DOCK7: variants seen among roughly 807,000 people sequenced by gnomAD.
The protein encoded by DOCK7 is dedicator of cytokinesis 7, also known as dedicator of cytokinesis protein 7.
In DOCK7, 138 loss-of-function variants were observed where a neutral mutation model predicts 271.0. The observed-to-expected ratio is 0.51, with a 90% confidence interval of 0.44 to 0.59. DOCK7 has a LOEUF of 0.59. Among genes scored for constraint, DOCK7 ranks in the 20% least tolerant of loss-of-function variants. DOCK7 has a pLI of 0.00. For synonymous variants in DOCK7, 823 were observed against 876.1 expected, an observed-to-expected ratio of 0.94 and a Z score of 1.07; for missense variants, 2,066 against 2,592.4, an observed-to-expected ratio of 0.80 and a Z score of 4.41.
intron 31 of DOCK7, among the ~76,000 whole-genome samples, chr1:62,522,832 G>A (rs1644892306): frequency 6.6e-6 from 1 of 151,846 alleles, no homozygotes; most frequent in Non-Finnish European, 1.5e-5. Flanking sequence ...AAAAATCATT[G>A]TACAAAAATC....
chr1:62,584,537 T>C (rs1216842226), intron 15 of DOCK7: 2 of 1,131,954 alleles, frequency 1.8e-6, no homozygotes, highest in African/African-American at 3.3e-5. Flanking sequence ...ATACCTTTTT[T>C]CCCTCTGAGA....
intron 48 of DOCK7, among the ~76,000 whole-genome samples, chr1:62,464,880 A>T (rs1645630896): frequency 6.6e-6 from 1 of 152,222 alleles, no homozygotes; most frequent in Admixed American, 6.5e-5. Context: ...ATTTGCGAAA[A>T]GACTTGAAAA....
chr1:62,503,718 C>T (rs892484527), intron 37 of DOCK7, among the ~76,000 whole-genome samples: 12 of 151,940 alleles, frequency 7.9e-5, no homozygotes, highest in Admixed American at 1.3e-4. Context: ...TGGGATTACA[C>T]GTGTGAGCCA....
intron 1 of DOCK7, among the ~76,000 whole-genome samples, chr1:62,666,081 G>A (rs1395813598): frequency 1.3e-5 from 2 of 151,954 alleles, no homozygotes; most frequent in Admixed American, 1.3e-4. Context: ...GGAGAATGGT[G>A]AGAACCCAGG....
intron 18 of DOCK7, among the ~76,000 whole-genome samples, chr1:62,568,174 C>A (rs1571575906): frequency 6.6e-6 from 1 of 152,104 alleles, no homozygotes. Context: ...GAAATTAGGG[C>A]AGAAATCAAG....
chr1:62,592,445 A>G (rs1259555119), intron 14 of DOCK7, among the ~76,000 whole-genome samples: 1 of 152,226 alleles, frequency 6.6e-6, no homozygotes, highest in Non-Finnish European at 1.5e-5. Context: ...AAGCCAGAAC[A>G]TTTATAAGAT....
At chr1:62,625,229 C>A in intron 12 of DOCK7, 30 bp downstream of exon 12, 1 of 1,607,816 alleles carries the variant, frequency 6.2e-7, no homozygotes, top group Non-Finnish European at 8.5e-7. Context: ...ACAAACATCT[C>A]CCCAAAATTC....
At chr1:62,683,326 T>C (rs1445284209) in intron 1 of DOCK7, among the ~76,000 whole-genome samples, 2 of 152,342 alleles carry the variant, frequency 1.3e-5, no homozygotes, top group East Asian at 3.9e-4. Context: ...TATGGAACTA[T>C]GAATTGAACA....
chr1:62,462,614 A>G (rs1645562726), intron 48 of DOCK7, among the ~76,000 whole-genome samples: 1 of 152,234 alleles, frequency 6.6e-6, no homozygotes, highest in Non-Finnish European at 1.5e-5. Context: ...AATAAGTGGT[A>G]ATGAGTCAAC....
intron 14 of DOCK7, among the ~76,000 whole-genome samples, chr1:62,589,176 T>TGA (rs1648051027): frequency 6.6e-6 from 1 of 152,222 alleles, no homozygotes. Flanking sequence ...AACCATCATA[T>TGA]GAGAGGCAGG....
chr1:62,457,101 T>C (rs1465906349), intron 49 of DOCK7, among the ~76,000 whole-genome samples: 1 of 152,140 alleles, frequency 6.6e-6, no homozygotes, highest in Non-Finnish European at 1.5e-5. Flanking sequence ...AGGAGAAATC[T>C]AAAAAAATTA....
rs559908969 is a variant in DOCK7 at position 62,544,929 on chromosome 1, C to CT, written c.2859+17dup. ...AAACATCAGCAGCCAATAAAGAAAC[C>CT]TCTAATATAAACACCACCTGTGTTG... On this transcript the variant is annotated intron_variant, in intron 23 of 49. Coordinates refer to ENST00000635253, the MANE Select transcript of DOCK7 (RefSeq NM_001367561.1). 783 of 1,539,216 alleles carry CT rather than the reference C, an allele frequency of 5.1e-4. 7 individuals carry two copies. The Middle Eastern group carries it at 0.011, about 21-fold the overall frequency.
Position 62,529,466 on chromosome 1 carries a change from C to A in DOCK7, c.3612-20G>T. 6.3e-7 allele frequency: 1 copy of A among 1,577,368 alleles called. No homozygotes were observed. Among genetic ancestry groups the A allele is most frequent in the Non-Finnish European group, 8.6e-7 (1 of 1,162,440 alleles). On this transcript the variant is annotated intron_variant, in intron 29 of 49. Transcript: ENST00000635253. ...AACAGTCTATTTAAAAAGAAGAAGACAAAGAAGAAAAAGCAGTAAGGCCAC... is the reference window on the plus strand; with the variant it reads ...AACAGTCTATTTAAAAAGAAGAAGAAAAAGAAGAAAAAGCAGTAAGGCCAC...
At chr1:62,680,578 C>A (rs4459145) in intron 1 of DOCK7, among the ~76,000 whole-genome samples, 54,085 of 151,068 alleles carry the variant, frequency 0.36, 10,017 homozygotes, top group South Asian at 0.45. Flanking sequence ...CAGCAAAAGA[C>A]ACTACCATCA....
At chr1:62,497,722 C>A (rs1025956410) in intron 37 of DOCK7, among the ~76,000 whole-genome samples, 2 of 152,170 alleles carry the variant, frequency 1.3e-5, no homozygotes, top group African/African-American at 4.8e-5. Context: ...TAACCTCTAC[C>A]TAGCACCACG....
At chr1:62,673,314 C>T (rs770684281) in intron 1 of DOCK7, among the ~76,000 whole-genome samples, 8 of 152,062 alleles carry the variant, frequency 5.3e-5, no homozygotes, top group African/African-American at 7.2e-5. Flanking sequence ...TTGGGGATAA[C>T]ATTACTCAAA....
intron 35 of DOCK7, among the ~76,000 whole-genome samples, chr1:62,506,276 A>T (rs1363947199): frequency 6.6e-6 from 1 of 152,126 alleles, no homozygotes; most frequent in Non-Finnish European, 1.5e-5. Context: ...GAGAGAGGTG[A>T]ACAAAAGAGA....
At chr1:62,533,616 C>T (rs545899538) in intron 29 of DOCK7, among the ~76,000 whole-genome samples, 2 of 152,090 alleles carry the variant, frequency 1.3e-5, no homozygotes, top group African/African-American at 4.8e-5. Context: ...TCTTCAGGAC[C>T]CTACAGTTCT....
chr1:62,577,579 CATT>C (rs967393206), intron 17 of DOCK7, among the ~76,000 whole-genome samples: 6 of 152,022 alleles, frequency 3.9e-5, no homozygotes, highest in Admixed American at 3.3e-4. Flanking sequence ...ATCACCAAAA[CATT>C]ATTATTACTA....
Sources: allele counts gnomAD v4.1 joint callset (sites outside exome capture counted in the v4.1 genomes callset), GRCh38; gene constraint gnomAD v4.1.1; transcripts MANE v1.5; gene names NCBI Gene and HGNC (gene_info 2026-07-23, HGNC 2026-07-21).